Variants in MXRA7 observed in about 807,000 individuals in gnomAD.
MXRA7 encodes the protein matrix-remodeling-associated protein 7.
In MXRA7, 18 loss-of-function variants were observed where a neutral mutation model predicts 17.4. The ratio of observed to expected loss-of-function variants is 1.03; its 90% CI spans 0.71 to 1.53. The LOEUF (loss-of-function observed/expected upper bound fraction) is 1.53. Ranked by LOEUF, MXRA7 falls within the 40% of genes most tolerant of loss-of-function variation. MXRA7 has a pLI of 0.00. For synonymous variants in MXRA7, 70 were observed against 101.7 expected (o/e 0.69, Z 1.87); for missense variants, 141 against 209.3 (o/e 0.67, Z 2.01).
chr17:76,681,814 G>C lies in MXRA7; in HGVS notation c.501-935C>G, dbSNP rs748133259. Among the ~76,000 whole-genome samples, 3 of 151,924 alleles carry C rather than the reference G, an allele frequency of 2.0e-5. No homozygotes were observed. The highest frequency in any genetic ancestry group is 1.3e-4 in the Admixed American group (2 of 15,282). On this transcript the variant is annotated intron_variant, in intron 3 of 3. Transcript: ENST00000449428. This position sits in a 1 kb window ranked among gnomAD's most constrained non-coding sequence, Gnocchi z 4.7. ...AAGCCCTGCCAGCTTCCCTAGCTCT[G>C]GGGGAGGAGGAGGAGGCCTCTTGCT... is the stretch of plus-strand genomic sequence containing the variant.
rs151240167 is a variant in MXRA7, at chr17:76,690,758, A to G, written c.343-2582T>C. Among the ~76,000 whole-genome samples, 1,210 of 152,084 alleles carry G rather than the reference A, an allele frequency of 8.0e-3. 13 individuals carry two copies. Among genetic ancestry groups the G allele is most frequent in the African/African-American group, 0.027 (1,134 of 41,476 alleles). ...GATCTTGCTCTGTTGCCCAGACTGG[A>G]GTGCAGTGGTGCAATCACGGCTCAC... is the stretch of plus-strand genomic sequence containing the variant. On this transcript the variant is annotated intron_variant, in intron 1 of 3. Transcript: ENST00000449428.
chr17:76,672,713 G>A (rs1282305034), exon 4 of MXRA7: 1 of 152,100 alleles, frequency 6.6e-6, no homozygotes, highest in Non-Finnish European at 1.5e-5. Flanking sequence ...GAAAAATGAG[G>A]AAAACTACAA....
intron 1 of MXRA7, 126 bp from the exon 2 acceptor site, chr17:76,688,302 C>T (rs1427465434): frequency 1.1e-5 from 16 of 1,497,366 alleles, no homozygotes; most frequent in Admixed American, 4.4e-5. Context: ...CCTGTGGCAG[C>T]GCCTGCCCTG....
chr17:76,707,523 C>T (rs1325678604), intron 1 of MXRA7, among the ~76,000 whole-genome samples: 1 of 152,004 alleles, frequency 6.6e-6, no homozygotes, highest in African/African-American at 2.4e-5. Flanking sequence ...AGGTTGGTCT[C>T]GAACTCCTGA....
downstream of MXRA7, chr17:76,677,841 G>A (rs1370790566): frequency 3.2e-6 from 2 of 628,344 alleles, no homozygotes; most frequent in Non-Finnish European, 5.7e-6. Context: ...AGAAGAAAAT[G>A]AAAATAAAAC....
chr17:76,697,999 C>T lies in MXRA7; in HGVS notation c.343-9823G>A, dbSNP rs188776421. Among the ~76,000 whole-genome samples, 29 of 152,228 alleles carry T rather than the reference C, an allele frequency of 1.9e-4. No homozygotes were observed. The East Asian group carries it at 3.5e-3, about 18-fold the overall frequency. ...AGTGATAGAGACAGATTTCTGCCTG[C>T]GTGTCTGCTGCCCAAGGAGATGGTT... On this transcript the variant is annotated intron_variant, in intron 1 of 3. Coordinates refer to ENST00000449428, the MANE Select transcript of MXRA7 (RefSeq NM_198530.4).
Position 76,696,415 on chromosome 17 carries a change from G to A in MXRA7, c.343-8239C>T, listed in dbSNP as rs144973942. The stretch of plus-strand genomic sequence containing the variant: ...ATGTGCTTGTAGCCCCAGATACTTC[G>A]GAGGCTGAGGTGGGAGGATCGCTTG... On this transcript the variant is annotated intron_variant, in intron 1 of 3. Coordinates refer to ENST00000449428, the MANE Select transcript of MXRA7 (RefSeq NM_198530.4). Among the ~76,000 whole-genome samples the A allele has an allele frequency of 1.6e-4, 24 of 152,216 alleles. No homozygotes were observed. In the East Asian group the frequency reaches 4.2e-3, roughly 27 times the overall value.
Position 76,695,485 on chromosome 17 carries a change from C to T in MXRA7, c.343-7309G>A, listed in dbSNP as rs544706613. Among the ~76,000 whole-genome samples the T allele has an allele frequency of 4.8e-4, 73 of 152,244 alleles. No homozygotes were observed. The South Asian group carries it at 0.015, about 31-fold the overall frequency. ...TGGCACTAAGGATTTTACCTTCGTG[C>T]CTCCCTCATAGCACGCCCATCTTTC... On this transcript the variant is annotated intron_variant, in intron 1 of 3. Transcript: ENST00000449428.
intron 1 of MXRA7, among the ~76,000 whole-genome samples, chr17:76,704,507 C>CTT (rs768459212): frequency 7.1e-6 from 1 of 140,362 alleles, no homozygotes. Context: ...GCCCGGCCAG[C>CTT]TTTTTTTTTT....
intron 1 of MXRA7, among the ~76,000 whole-genome samples, chr17:76,707,961 T>C (rs2076680429): frequency 6.6e-6 from 1 of 152,010 alleles, no homozygotes; most frequent in African/African-American, 2.4e-5. Flanking sequence ...AGAAAAGAGG[T>C]TCTAGCAGTA....
chr17:76,686,640 C>T (rs761011607), intron 2 of MXRA7, among the ~76,000 whole-genome samples: 1 of 152,244 alleles, frequency 6.6e-6, no homozygotes, highest in Non-Finnish European at 1.5e-5. Context: ...CACCAGGCAG[C>T]GCATCCAGTT....
intron 1 of MXRA7, among the ~76,000 whole-genome samples, chr17:76,704,910 G>A (rs2076639707): frequency 1.3e-5 from 2 of 152,018 alleles, no homozygotes; most frequent in South Asian, 4.2e-4. Context: ...AGCCCAGTGT[G>A]GCCAAACGCA....
intron 1 of MXRA7, among the ~76,000 whole-genome samples, chr17:76,707,092 C>T (rs113653289): frequency 0.022 from 3,289 of 152,292 alleles, 118 homozygotes; most frequent in East Asian, 0.13. Context: ...GCTTACCTAA[C>T]ACAGCCATTC....
rs146250572 is a variant in MXRA7, at chr17:76,693,609, G to C, written c.343-5433C>G. Among the ~76,000 whole-genome samples, 43 of 152,316 alleles carry C rather than the reference G, an allele frequency of 2.8e-4. No homozygotes were observed. In the East Asian group the frequency reaches 7.5e-3, roughly 27 times the overall value. ...GCCTGTAATCCCAGCACTTTGGGAGGCTGAGGCAAGTGGACTGCTTGAGCC... is the reference window on the plus strand; with the variant it reads ...GCCTGTAATCCCAGCACTTTGGGAGCCTGAGGCAAGTGGACTGCTTGAGCC... On this transcript the variant is annotated intron_variant, in intron 1 of 3. Coordinates refer to ENST00000449428, the MANE Select transcript of MXRA7 (RefSeq NM_198530.4).
intron 1 of MXRA7, among the ~76,000 whole-genome samples, chr17:76,692,402 T>C (rs2076487045): frequency 1.3e-5 from 2 of 152,024 alleles, no homozygotes; most frequent in South Asian, 2.1e-4. Flanking sequence ...TATGGGCATG[T>C]GCCACCACAC....
intron 2 of MXRA7, among the ~76,000 whole-genome samples, chr17:76,687,470 C>A (rs1317785842): frequency 1.3e-5 from 2 of 152,254 alleles, no homozygotes; most frequent in Admixed American, 1.3e-4. Context: ...CCACACAGAG[C>A]CAACAAACGC....
rs1301594244 is a variant in MXRA7 at position 76,685,171 on chromosome 17, G to A, written c.407-6C>T. 2 of 1,611,166 alleles carry A rather than the reference G, an allele frequency of 1.2e-6. No individual in the cohort carries two copies. The highest frequency in any genetic ancestry group is 1.3e-5 in the African/African-American group (1 of 74,822). ...TTTGAAGGAGAAGCCTTCTCCTGTG[G>A]AGGGGGGACCCAGTAAGTGCCAGGA... On this transcript the variant is annotated splice_polypyrimidine_tract_variant and splice_region_variant and intron_variant, in intron 2 of 3. Transcript: ENST00000449428.
Position 76,679,692 on chromosome 17 carries a change from G to GT in MXRA7, c.*1174_*1175insA. 1 of 701,968 alleles carries GT rather than the reference G, an allele frequency of 1.4e-6. No homozygotes were observed. The highest frequency in any genetic ancestry group is 1.8e-6 in the Non-Finnish European group (1 of 568,040). The allele number at this position is 701,968 out of a possible 1,614,324, so 43.5% of individuals were successfully genotyped here. A position where few individuals can be genotyped will look rare whatever the true frequency, so the allele number is the denominator to read the frequency against. ...GTCGGAAACTTTCCAGACAAACCTA[G>GT]ATAGCTCTACTAGGAGGGAGTCAAC... On this transcript the variant is annotated 3_prime_UTR_variant, in exon 4 of 4. Coordinates refer to ENST00000449428, the MANE Select transcript of MXRA7 (RefSeq NM_198530.4).
intron 1 of MXRA7, among the ~76,000 whole-genome samples, chr17:76,696,527 AT>A (rs1436943814): frequency 4.6e-5 from 7 of 152,260 alleles, no homozygotes; most frequent in Non-Finnish European, 8.8e-5. Flanking sequence ...CTCTAAAAAA[AT>A]AAATAAAAAT....
Sources: allele counts gnomAD v4.1 joint callset (sites outside exome capture counted in the v4.1 genomes callset), GRCh38; gene constraint gnomAD v4.1.1; non-coding constraint Gnocchi (gnomAD v3.1); transcripts MANE v1.5; gene names NCBI Gene and HGNC (gene_info 2026-07-23, HGNC 2026-07-21).